SPTLC2: variants seen among roughly 807,000 people sequenced by gnomAD.
SPTLC2 encodes serine palmitoyltransferase long chain base subunit 2.
A neutral mutation model predicts 62.0 loss-of-function variants in SPTLC2; 21 were observed. That is an observed-to-expected ratio of 0.34 (90% confidence interval 0.24 to 0.49). The LOEUF (loss-of-function observed/expected upper bound fraction) is 0.49, where lower values mean the gene tolerates loss of function less well. SPTLC2 is among the 20% of genes least tolerant of loss of function. The probability of loss-of-function intolerance (pLI) is 0.99; values close to 1 mark genes in which losing one functional copy is unlikely to be tolerated. For synonymous variants in SPTLC2, 261 were observed against 261.8 expected, an observed-to-expected ratio of 1.00 and a Z score of 0.03; for missense variants, 511 against 713.0, an observed-to-expected ratio of 0.72 and a Z score of 3.23.
intron 2 of SPTLC2, among the ~76,000 whole-genome samples, chr14:77,591,827 G>T (rs2079819303): frequency 6.6e-6 from 1 of 152,016 alleles, no homozygotes; most frequent in African/African-American, 2.4e-5. Flanking sequence ...TGGTTCAAGT[G>T]ATTCTCGTGC....
intron 2 of SPTLC2, among the ~76,000 whole-genome samples, chr14:77,580,725 A>G (rs1042846748): frequency 6.6e-6 from 1 of 152,136 alleles, no homozygotes; most frequent in African/African-American, 2.4e-5. Context: ...CCTGTCTCAA[A>G]AAGAAAAGAA....
At chr14:77,515,988 C>CTGTGTGTGTG (rs142493170) in intron 11 of SPTLC2, among the ~76,000 whole-genome samples, 1 of 151,078 alleles carries the variant, frequency 6.6e-6, no homozygotes, top group Admixed American at 6.6e-5. Context: ...TGAGCTCTAG[C>CTGTGTGTGTG]TGTGTGTGTG....
intron 2 of SPTLC2, among the ~76,000 whole-genome samples, chr14:77,595,757 G>A (rs757006794): frequency 2.0e-5 from 3 of 152,118 alleles, no homozygotes; most frequent in Non-Finnish European, 2.9e-5. Context: ...TCACTGGCTC[G>A]TCTCAGCGTT....
chr14:77,524,187 G>A (rs1468897647), intron 9 of SPTLC2, among the ~76,000 whole-genome samples: 1 of 152,174 alleles, frequency 6.6e-6, no homozygotes, highest in Admixed American at 6.6e-5. Flanking sequence ...CACACTGTAT[G>A]AATTCGTTTG....
In SPTLC2 at chr14:77,557,144, T is replaced by C; in HGVS notation, c.853A>G (p.Met285Val). ...TTCAATAGCTTCTCTAGGCTTTGCA[T>C]ATCTACAGAGCACAAAAAAGAACAG... Reference protein sequence around the residue: ...ATIRIFKHNNMQSLEKLLKDA... With the variant: ...ATIRIFKHNNVQSLEKLLKDA... The change falls in exon 7 of 12, where the codon ATG (methionine) becomes GTG (valine). Residue 285 changes from methionine (M) to valine (V), a missense_variant and splice_region_variant. Met to Val is a conservative substitution (Grantham distance 21). Coordinates refer to ENST00000216484, the MANE Select transcript of SPTLC2 (RefSeq NM_004863.4). 1 of 1,612,586 alleles carries C rather than the reference T, an allele frequency of 6.2e-7. No homozygotes were observed. Among genetic ancestry groups the C allele is most frequent in the Non-Finnish European group, 8.5e-7 (1 of 1,179,488 alleles).
rs932302155 is a variant in SPTLC2, at chr14:77,512,071, G to A, written c.*213C>T. The A allele has an allele frequency of 2.2e-5, 14 of 623,614 alleles. No homozygotes were observed. Among genetic ancestry groups the A allele is most frequent in the South Asian group, 8.0e-5 (4 of 50,246 alleles). The allele number at this position is 623,614 out of a possible 1,614,324, so 38.6% of individuals were successfully genotyped here. A position where few individuals can be genotyped will look rare whatever the true frequency, so the allele number is the denominator to read the frequency against. ...TGAAAAAGCAAAGTGAGTCACCTTC[G>A]TTTTTAAAGGTGAGATTTAGCAAAG... On this transcript the variant is annotated 3_prime_UTR_variant, in exon 12 of 12. Transcript: ENST00000216484.
intron 9 of SPTLC2, among the ~76,000 whole-genome samples, chr14:77,523,378 G>A (rs1783272032): frequency 6.6e-6 from 1 of 152,200 alleles, no homozygotes; most frequent in Non-Finnish European, 1.5e-5. Context: ...AGTCTTGCCA[G>A]CTGAGGACAT....
rs1288784072 is a variant in SPTLC2, at chr14:77,507,046, C to T, written c.*5238G>A. ...CCTTGTCCCCAGCTCCACCAAGCCA[C>T]TCCCAAGGGTGGACTGTGAATGTGA... is the stretch of plus-strand genomic sequence containing the variant. On this transcript the variant is annotated 3_prime_UTR_variant, in exon 12 of 12. Transcript: ENST00000216484. 6.6e-6 allele frequency: 1 copy of T among 152,252 alleles called. No homozygotes were observed. Among genetic ancestry groups the T allele is most frequent in the African/African-American group, 2.4e-5 (1 of 41,462 alleles). 9.4% of individuals were successfully genotyped at this position (152,252 alleles called of 1,614,324 possible).
intron 3 of SPTLC2, 102 bp from the exon 4 acceptor site, chr14:77,577,017 G>A (rs573505155): frequency 1.5e-6 from 2 of 1,349,008 alleles, no homozygotes; most frequent in Non-Finnish European, 2.1e-6. Context: ...AGAGAACAAA[G>A]TCTATATTAA....
At chr14:77,601,543 TG>T (rs76261588) in intron 1 of SPTLC2, among the ~76,000 whole-genome samples, 13,542 of 152,158 alleles carry the variant, frequency 0.089, 810 homozygotes, top group Admixed American at 0.18. Context: ...AAAGCCTGTT[TG>T]GGGGGGTCTC....
chr14:77,609,853 C>G (rs1208546661), intron 1 of SPTLC2, among the ~76,000 whole-genome samples: 1 of 152,094 alleles, frequency 6.6e-6, no homozygotes, highest in Non-Finnish European at 1.5e-5. Flanking sequence ...TCCTGCCAGC[C>G]TGGGTAACAG....
At chr14:77,569,765 T>TTA (rs1254181557) in intron 5 of SPTLC2, among the ~76,000 whole-genome samples, 15 of 92,986 alleles carry the variant, frequency 1.6e-4, no homozygotes, top group Non-Finnish European at 3.4e-4. Context: ...GATATATATA[T>TTA]TATATATATA....
In SPTLC2 at chr14:77,597,335, T is replaced by C. The variant is rs758420217; in HGVS notation, c.178A>G (p.Asn60Asp). The change falls in exon 2 of 12, where the codon AAT (asparagine) becomes GAT (aspartate). Residue 60 changes from asparagine (N) to aspartate (D), a missense_variant. Coordinates refer to ENST00000216484, the MANE Select transcript of SPTLC2 (RefSeq NM_004863.4). ...QNGGLYKRPF[N>D]EAFEETPMLV... Reference sequence around the variant, plus strand: ...ATTGGTGTTTCTTCAAAAGCTTCATTAAACGGTCTTTTATATAGTCCTCCA... The same window carrying C: ...ATTGGTGTTTCTTCAAAAGCTTCATCAAACGGTCTTTTATATAGTCCTCCA... 3 of 1,614,082 alleles carry C rather than the reference T, an allele frequency of 1.9e-6. No individual in the cohort carries two copies. Among genetic ancestry groups the C allele is most frequent in the Non-Finnish European group, 2.5e-6 (3 of 1,180,034 alleles).
intron 9 of SPTLC2, among the ~76,000 whole-genome samples, chr14:77,522,833 T>C (rs1469690570): frequency 6.6e-6 from 1 of 152,222 alleles, no homozygotes; most frequent in Non-Finnish European, 1.5e-5. Flanking sequence ...AGTCCAAGCA[T>C]GATACATGAC....
At chr14:77,613,286 G>A (rs1430288267) in intron 1 of SPTLC2, among the ~76,000 whole-genome samples, 1 of 152,124 alleles carries the variant, frequency 6.6e-6, no homozygotes, top group Admixed American at 6.6e-5. Flanking sequence ...AGAGATAAAG[G>A]ACTGAATTAA....
At chr14:77,559,532 T>C (rs1326560320) in intron 6 of SPTLC2, among the ~76,000 whole-genome samples, 6 of 152,108 alleles carry the variant, frequency 3.9e-5, no homozygotes, top group Non-Finnish European at 8.8e-5. Context: ...AAACAGTAAG[T>C]GTGGCAACAA....
In SPTLC2 at chr14:77,509,439, G is replaced by C; in HGVS notation, c.*2845C>G. 6.5e-6 allele frequency: 1 copy of C among 154,174 alleles called. No homozygotes were observed. The highest frequency in any genetic ancestry group is 6.5e-5 in the Admixed American group (1 of 15,302). The allele number at this position is 154,174 out of a possible 1,614,324, so 9.6% of individuals were successfully genotyped here. On this transcript the variant is annotated 3_prime_UTR_variant, in exon 12 of 12. Coordinates refer to ENST00000216484, the MANE Select transcript of SPTLC2 (RefSeq NM_004863.4). ...AAGAGGTCTTATAAACCTGAAATAG[G>C]TAACAGCAATGCTGAATAAAAAGAG...
intron 2 of SPTLC2, among the ~76,000 whole-genome samples, chr14:77,589,820 T>C (rs868489881): frequency 1.2e-4 from 14 of 112,296 alleles, no homozygotes; most frequent in African/African-American, 4.1e-4. Context: ...CACACACAAA[T>C]ACAAAAAATT....
At chr14:77,598,583 C>T (rs1210398767) in intron 1 of SPTLC2, among the ~76,000 whole-genome samples, 1 of 152,168 alleles carries the variant, frequency 6.6e-6, no homozygotes, top group Admixed American at 6.5e-5. Context: ...TCAAATTAAC[C>T]TTTGTTGGTA....
Sources: gnomAD v4.1 joint callset for allele counts (sites outside exome capture counted in the v4.1 genomes callset) on GRCh38, gnomAD v4.1.1 for gene constraint, MANE v1.5 for transcripts, NCBI Gene and HGNC (gene_info 2026-07-23, HGNC 2026-07-21) for gene names.